The following GORASP2 variants were observed in gnomAD, a reference collection of about 807,000 sequenced individuals.
GORASP2 encodes the protein golgi reassembly stacking protein 2, also known as Golgi reassembly-stacking protein 2.
In GORASP2, 22 loss-of-function variants were observed where a neutral mutation model predicts 45.7. The ratio of observed to expected loss-of-function variants is 0.48; its 90% confidence interval spans 0.34 to 0.69. The LOEUF (loss-of-function observed/expected upper bound fraction) is 0.69, where lower values mean the gene tolerates loss of function less well. Among genes scored for constraint, GORASP2 ranks in the 30% least tolerant of loss-of-function variants. The pLI is 0.01. For synonymous variants in GORASP2, 221 were observed against 215.6 expected (o/e 1.02, Z -0.22); for missense variants, 491 against 562.7 (o/e 0.87, Z 1.29).
intron 1 of GORASP2, among the ~76,000 whole-genome samples, chr2:170,946,575 T>G (rs1395453319): frequency 6.6e-6 from 1 of 152,112 alleles, no homozygotes; most frequent in East Asian, 1.9e-4. Flanking sequence ...ACTCTTTCAT[T>G]TAAAGGCCAG....
rs77930092 is a variant in GORASP2, at chr2:170,944,710, G to A, written c.64-3640G>A. Among the ~76,000 whole-genome samples, 309 of 152,256 alleles carry A rather than the reference G, an allele frequency of 2.0e-3. 2 individuals carry two copies. The East Asian group carries it at 0.037, about 18-fold the overall frequency. The stretch of plus-strand genomic sequence containing the variant: ...CTACATGAGTGATTACCTTATAAAA[G>A]TGCTGTCTTTAGCCCTTTTTAACTA... On this transcript the variant is annotated intron_variant, in intron 1 of 9. Coordinates refer to ENST00000234160, the MANE Select transcript of GORASP2 (RefSeq NM_015530.5).
intron 5 of GORASP2, among the ~76,000 whole-genome samples, chr2:170,952,414 A>T (rs1195094652): frequency 6.6e-6 from 1 of 152,194 alleles, no homozygotes; most frequent in Non-Finnish European, 1.5e-5. Flanking sequence ...CTGACCATGC[A>T]TTTGGTCTTT....
intron 5 of GORASP2, 138 bp downstream of exon 5, chr2:170,951,596 C>T: frequency 1.3e-5 from 9 of 699,300 alleles, no homozygotes; most frequent in Non-Finnish European, 1.8e-5. Context: ...AAGAGCTAGT[C>T]TAGAATATTG....
intron 7 of GORASP2, among the ~76,000 whole-genome samples, chr2:170,961,439 T>A (rs757883287): frequency 2.0e-4 from 31 of 152,212 alleles, no homozygotes; most frequent in Non-Finnish European, 4.3e-4. Flanking sequence ...CACGGCCTCT[T>A]GCCCTCTTGT....
chr2:170,933,339 C>T (rs1029000663), intron 1 of GORASP2, among the ~76,000 whole-genome samples: 1 of 152,130 alleles, frequency 6.6e-6, no homozygotes, highest in Admixed American at 6.5e-5. Flanking sequence ...AAGTTACCCC[C>T]TACATGTGAA....
chr2:170,954,413 A>T (rs1704373537), intron 5 of GORASP2: 1 of 460,570 alleles, frequency 2.2e-6, no homozygotes, highest in African/African-American at 2.0e-5. Context: ...TGATATCCAC[A>T]GTGGAGGGCA....
chr2:170,953,262 G>A (rs1704342805), intron 5 of GORASP2, among the ~76,000 whole-genome samples: 1 of 152,038 alleles, frequency 6.6e-6, no homozygotes, highest in Non-Finnish European at 1.5e-5. Context: ...AGGCTCAGGC[G>A]GGAGGATTGC....
intron 1 of GORASP2, among the ~76,000 whole-genome samples, chr2:170,935,153 G>A (rs1177477692): frequency 6.6e-6 from 1 of 152,196 alleles, no homozygotes; most frequent in African/African-American, 2.4e-5. Context: ...GGAATACAAT[G>A]TATATAAATC....
At chr2:170,964,568 G>A (rs181744261) in intron 9 of GORASP2, among the ~76,000 whole-genome samples, 5 of 152,238 alleles carry the variant, frequency 3.3e-5, no homozygotes, top group Non-Finnish European at 7.4e-5. Flanking sequence ...CAGGAGAATC[G>A]CTTGAACCCA....
chr2:170,929,178 C>T (rs999055757), upstream of GORASP2: 4 of 484,978 alleles, frequency 8.2e-6, no homozygotes, highest in Non-Finnish European at 1.3e-5. Flanking sequence ...GTCGCAGCGG[C>T]CCGGGCTGCA....
In GORASP2 at chr2:170,929,292, G is replaced by A. The variant is rs1026188362; in HGVS notation, c.-49G>A. The A allele has an allele frequency of 1.5e-5, 19 of 1,307,330 alleles. No homozygotes were observed. Among genetic ancestry groups the A allele is most frequent in the Admixed American group, 1.2e-4 (3 of 25,140 alleles). 81.0% of individuals were successfully genotyped at this position (1,307,330 alleles called of 1,614,324 possible). On this transcript the variant is annotated 5_prime_UTR_variant, in exon 1 of 10. Coordinates refer to ENST00000234160, the MANE Select transcript of GORASP2 (RefSeq NM_015530.5). ...GGATTAGAGCAGGCGGTGCGCTGGGGGCGGGAGCAGCGCGGAGCCCGGCTC... is the reference window on the plus strand; with the variant it reads ...GGATTAGAGCAGGCGGTGCGCTGGGAGCGGGAGCAGCGCGGAGCCCGGCTC...
intron 3 of GORASP2, 118 bp from the exon 4 acceptor site, chr2:170,950,085 CT>C: frequency 1.7e-6 from 1 of 593,888 alleles, no homozygotes; most frequent in Non-Finnish European, 3.0e-6. Flanking sequence ...TCTGACACAT[CT>C]CTAGCAAGAC....
At chr2:170,929,077 A>T, upstream of GORASP2, 1 of 376,414 alleles carries the variant, frequency 2.7e-6, no homozygotes. Flanking sequence ...GGTGCCTCCC[A>T]GTCCTCCTCC....
intron 5 of GORASP2, 25 bp from the exon 6 acceptor site, chr2:170,954,625 C>T (rs779175386): frequency 1.7e-5 from 26 of 1,561,440 alleles, no homozygotes; most frequent in Non-Finnish European, 2.1e-5. Flanking sequence ...TAGATAACAA[C>T]GTTAAGAAAA....
At chr2:170,940,763 C>T (rs1454732349) in intron 1 of GORASP2, among the ~76,000 whole-genome samples, 1 of 151,944 alleles carries the variant, frequency 6.6e-6, no homozygotes, top group African/African-American at 2.4e-5. Context: ...CCATTGCAAC[C>T]AGTACATACT....
chr2:170,954,374 T>TCGCC, intron 5 of GORASP2: 3 of 312,638 alleles, frequency 9.6e-6, no homozygotes, highest in South Asian at 6.4e-5. Context: ...TGGATGGTGA[T>TCGCC]GAATTCTTGA....
rs1307017557 is a variant in GORASP2, at chr2:170,965,991, C to T, written c.1220C>T (p.Ala407Val). 4.3e-6 allele frequency: 7 copies of T among 1,613,888 alleles called. No homozygotes were observed. The Admixed American group carries it at 1.2e-4, about 27-fold the overall frequency. The change falls in exon 10 of 10, where the codon GCC becomes GTC. Residue 407 changes from alanine to valine, a missense_variant. Ala to Val is a moderately conservative substitution (Grantham distance 64, BLOSUM62 0). This residue lies in a region of GORASP2 where 297 missense variants were observed against 292.3 expected (regional missense o/e 1.02). Coordinates refer to ENST00000234160, the MANE Select transcript of GORASP2 (RefSeq NM_015530.5). Reference protein sequence around the residue: ...PATTTAKADAASSLTVDVTPP... With the variant: ...PATTTAKADAVSSLTVDVTPP... ...ACAACTACTGCAAAGGCAGACGCTGCCTCCTCACTCACTGTGGATGTGACG... is the reference window on the plus strand; with the variant it reads ...ACAACTACTGCAAAGGCAGACGCTGTCTCCTCACTCACTGTGGATGTGACG...
At chr2:170,945,688 T>C (rs543489854) in intron 1 of GORASP2, among the ~76,000 whole-genome samples, 1 of 152,304 alleles carries the variant, frequency 6.6e-6, no homozygotes, top group African/African-American at 2.4e-5. Context: ...TTTACTGTTA[T>C]CAAAAGAAGA....
rs1704257103 is a variant in GORASP2, at chr2:170,949,745, A to G, written c.348+3A>G. Reference sequence around the variant, plus strand: ...ATGAAAATGTTTGGCATGTGCTGGTACGTATCAACTGTGAACTGTTACTGG... The same window carrying G: ...ATGAAAATGTTTGGCATGTGCTGGTGCGTATCAACTGTGAACTGTTACTGG... On this transcript the variant is annotated splice_donor_region_variant and intron_variant, in intron 3 of 9. Transcript: ENST00000234160. The G allele has an allele frequency of 1.3e-6, 2 of 1,597,756 alleles. No individual in the cohort carries two copies. The highest frequency in any genetic ancestry group is 1.3e-5 in the African/African-American group (1 of 74,596).
Sources: allele counts gnomAD v4.1 joint callset (sites outside exome capture counted in the v4.1 genomes callset), GRCh38; gene constraint gnomAD v4.1.1; regional missense constraint gnomAD v4.1.1; transcripts MANE v1.5; gene names NCBI Gene and HGNC (gene_info 2026-07-23, HGNC 2026-07-21).